PRKCE: variants seen among roughly 807,000 people sequenced by gnomAD.
PRKCE encodes protein kinase C epsilon.
Under a neutral mutation model 85.4 loss-of-function variants are expected in PRKCE, and 16 were observed. That is an observed-to-expected ratio of 0.19 (90% confidence interval 0.13 to 0.28). PRKCE has a LOEUF of 0.28. PRKCE is among the 10% of genes least tolerant of loss of function. The pLI, the probability that PRKCE is intolerant of heterozygous loss-of-function variation, is 1.00. For missense variants in PRKCE, 573 were observed against 975.2 expected (o/e 0.59, Z 5.49); for synonymous variants, 388 against 371.5 (o/e 1.04, Z -0.51).
intron 1 of PRKCE, among the ~76,000 whole-genome samples, chr2:45,673,558 G>C (rs997522098): frequency 1.3e-5 from 2 of 152,146 alleles, no homozygotes; most frequent in Non-Finnish European, 2.9e-5. Flanking sequence ...GACATATTTA[G>C]GGCTGCTGGC....
intron 2 of PRKCE, among the ~76,000 whole-genome samples, chr2:45,952,766 C>T (rs754107810): frequency 3.3e-5 from 5 of 152,178 alleles, no homozygotes; most frequent in Non-Finnish European, 7.4e-5. Flanking sequence ...TTTCCAGGAA[C>T]ACAACTTTTT....
intron 1 of PRKCE, among the ~76,000 whole-genome samples, chr2:45,742,466 G>C (rs556526394): frequency 6.6e-6 from 1 of 151,398 alleles, no homozygotes; most frequent in African/African-American, 2.4e-5. Context: ...CAAAAGTCTT[G>C]AATGTACATT....
intron 10 of PRKCE, among the ~76,000 whole-genome samples, chr2:46,063,394 A>G (rs1205713580): frequency 6.6e-6 from 1 of 152,032 alleles, no homozygotes; most frequent in Non-Finnish European, 1.5e-5. Flanking sequence ...TCTTTTAAAA[A>G]TAGACGCATG....
At chr2:45,844,192 C>T (rs2345628) in intron 2 of PRKCE, among the ~76,000 whole-genome samples, 3 of 152,264 alleles carry the variant, frequency 2.0e-5, no homozygotes, top group East Asian at 1.9e-4. Context: ...AACAGGTATT[C>T]GGAAGAATTC....
chr2:45,665,964 T>C (rs569479959), intron 1 of PRKCE, among the ~76,000 whole-genome samples: 7 of 152,100 alleles, frequency 4.6e-5, no homozygotes, highest in East Asian at 1.9e-4. Context: ...GTAGGTAACA[T>C]ATTTTTGATG....
chr2:46,103,601 A>G (rs1409898925), intron 11 of PRKCE, among the ~76,000 whole-genome samples: 1 of 152,144 alleles, frequency 6.6e-6, no homozygotes, highest in African/African-American at 2.4e-5. Flanking sequence ...TCTGTGTATA[A>G]CTTTTGAATC....
intron 2 of PRKCE, among the ~76,000 whole-genome samples, chr2:45,912,094 T>A (rs1697422064): frequency 6.6e-6 from 1 of 152,150 alleles, no homozygotes; most frequent in Non-Finnish European, 1.5e-5. Context: ...GTTCTTCTAG[T>A]GTAGCAGTCA....
chr2:46,020,394 G>C (rs1320501824), intron 10 of PRKCE, among the ~76,000 whole-genome samples: 1 of 152,114 alleles, frequency 6.6e-6, no homozygotes, highest in Admixed American at 6.5e-5. Flanking sequence ...CTCTGACTGG[G>C]AGCTGGAGTG....
intron 1 of PRKCE, among the ~76,000 whole-genome samples, chr2:45,707,541 C>T (rs73926034): frequency 9.8e-5 from 15 of 152,322 alleles, no homozygotes; most frequent in African/African-American, 2.9e-4. Flanking sequence ...AAAGCAGACT[C>T]GAAGCTGGTC....
At chr2:45,981,977 A>C (rs1443807783) in intron 5 of PRKCE, among the ~76,000 whole-genome samples, 1 of 152,228 alleles carries the variant, frequency 6.6e-6, no homozygotes, top group Non-Finnish European at 1.5e-5. Context: ...TTGATCTGTG[A>C]CCCAGTTCTT....
intron 2 of PRKCE, among the ~76,000 whole-genome samples, chr2:45,894,349 C>G (rs112856139): frequency 1.3e-5 from 2 of 151,334 alleles, no homozygotes; most frequent in African/African-American, 4.9e-5. Flanking sequence ...TGCCAGGTAG[C>G]GACATCTTAA....
intron 11 of PRKCE, among the ~76,000 whole-genome samples, chr2:46,097,545 A>G (rs1237417453): frequency 6.7e-6 from 1 of 149,918 alleles, no homozygotes; most frequent in Non-Finnish European, 1.5e-5. Flanking sequence ...AAAGCTGTGA[A>G]GTCTGACTTT....
At chr2:45,843,656 C>T (rs972157458) in intron 2 of PRKCE, among the ~76,000 whole-genome samples, 7 of 152,158 alleles carry the variant, frequency 4.6e-5, no homozygotes, top group Admixed American at 6.5e-5. Flanking sequence ...ACACTTAAGA[C>T]CTTTGAAGGG....
intron 1 of PRKCE, among the ~76,000 whole-genome samples, chr2:45,714,775 G>T (rs1426209773): frequency 6.6e-6 from 1 of 152,182 alleles, no homozygotes; most frequent in Non-Finnish European, 1.5e-5. Context: ...CCTTGAGCCT[G>T]TCCAGCCTGT....
intron 1 of PRKCE, among the ~76,000 whole-genome samples, chr2:45,715,093 G>A (rs547210331): frequency 6.6e-6 from 1 of 152,346 alleles, no homozygotes; most frequent in African/African-American, 2.4e-5. Context: ...AGGCAGGCAG[G>A]CAACTCGGAG....
chr2:45,857,556 T>C (rs144033856), intron 2 of PRKCE, among the ~76,000 whole-genome samples: 2 of 152,270 alleles, frequency 1.3e-5, no homozygotes, highest in African/African-American at 4.8e-5. Flanking sequence ...TCTAATTCAT[T>C]GTTTCGATGG....
chr2:46,026,863 A>G (rs183694107), intron 10 of PRKCE, among the ~76,000 whole-genome samples: 1 of 152,300 alleles, frequency 6.6e-6, no homozygotes, highest in East Asian at 1.9e-4. Flanking sequence ...CAATATTCTT[A>G]GGAGGAAACA....
intron 2 of PRKCE, among the ~76,000 whole-genome samples, chr2:45,963,918 G>T (rs1036442085): frequency 2.0e-5 from 3 of 152,242 alleles, no homozygotes; most frequent in Non-Finnish European, 4.4e-5. Flanking sequence ...GTGCAGGCAC[G>T]TACCTTTGAG....
intron 11 of PRKCE, among the ~76,000 whole-genome samples, chr2:46,109,690 T>C (rs915274000): frequency 6.6e-6 from 1 of 152,104 alleles, no homozygotes; most frequent in Non-Finnish European, 1.5e-5. Context: ...GCACACCTTT[T>C]ATTTTCTTTT....
Sources: allele counts gnomAD v4.1 joint callset (sites outside exome capture counted in the v4.1 genomes callset), GRCh38; gene constraint gnomAD v4.1.1; transcripts MANE v1.5; gene names NCBI Gene and HGNC (gene_info 2026-07-23, HGNC 2026-07-21).